Variants in MACROD2 observed in about 807,000 individuals in gnomAD.
MACROD2 encodes ADP-ribose glycohydrolase MACROD2.
A neutral mutation model predicts 70.4 loss-of-function variants in MACROD2; 36 were observed. The ratio of observed to expected loss-of-function variants is 0.51; its 90% confidence interval spans 0.39 to 0.68. The LOEUF is 0.68. Ranked by LOEUF, MACROD2 falls within the 30% of genes least tolerant of loss-of-function variation. MACROD2 has a pLI of 0.00. For synonymous variants in MACROD2, 172 were observed against 178.8 expected (o/e 0.96, Z 0.30); for missense variants, 496 against 538.4 (o/e 0.92, Z 0.78).
chr20:15,304,780 G>A (rs2077680937), intron 6 of MACROD2, among the ~76,000 whole-genome samples: 1 of 152,102 alleles, frequency 6.6e-6, no homozygotes. Flanking sequence ...AGCTTAGATT[G>A]TGAGGTCTGA....
intron 8 of MACROD2, among the ~76,000 whole-genome samples, chr20:15,822,838 A>T (rs2063954127): frequency 6.6e-6 from 1 of 152,200 alleles, no homozygotes; most frequent in Non-Finnish European, 1.5e-5. Context: ...GATACAGCAG[A>T]TAAGGGAGGA....
At chr20:16,025,606 G>C (rs188859891) in intron 15 of MACROD2, among the ~76,000 whole-genome samples, 26 of 152,172 alleles carry the variant, frequency 1.7e-4, no homozygotes, top group African/African-American at 6.0e-4. Flanking sequence ...TCAGGAAGCC[G>C]CCTGGGGATG....
In MACROD2 at chr20:14,764,968, C is replaced by T. The variant is rs570293167; in HGVS notation, c.418+80009C>T. ...ATACTGCTTGGCAGAGTTCCCAAGACGGCACTGTGCAAACAATGGCAGTGA... is the reference window on the plus strand; with the variant it reads ...ATACTGCTTGGCAGAGTTCCCAAGATGGCACTGTGCAAACAATGGCAGTGA... On this transcript the variant is annotated intron_variant, in intron 5 of 17. Transcript: ENST00000684519. 1.1e-4 allele frequency among the ~76,000 whole-genome samples: 17 copies of T among 152,198 alleles called. No homozygotes were observed. In the South Asian group the frequency reaches 2.3e-3, roughly 20 times the overall value.
intron 3 of MACROD2, among the ~76,000 whole-genome samples, chr20:14,437,305 G>T (rs908854066): frequency 6.6e-6 from 1 of 151,928 alleles, no homozygotes; most frequent in Non-Finnish European, 1.5e-5. Flanking sequence ...TTTAAAAAGG[G>T]TTTCTTGGGC....
intron 5 of MACROD2, among the ~76,000 whole-genome samples, chr20:14,963,207 A>G (rs1196910620): frequency 6.6e-6 from 1 of 152,162 alleles, no homozygotes; most frequent in Admixed American, 6.5e-5. Flanking sequence ...GTAGTAGTAC[A>G]GCAGCATCCA....
chr20:15,271,370 A>G (rs1847458136), intron 6 of MACROD2, among the ~76,000 whole-genome samples: 1 of 152,174 alleles, frequency 6.6e-6, no homozygotes, highest in Non-Finnish European at 1.5e-5. Flanking sequence ...CAGAGGCCCT[A>G]CCTCCTAATA....
At chr20:14,870,154 C>A (rs1219911351) in intron 5 of MACROD2, among the ~76,000 whole-genome samples, 2 of 152,022 alleles carry the variant, frequency 1.3e-5, no homozygotes, top group Non-Finnish European at 2.9e-5. Context: ...TCTTTGTGTC[C>A]ATGTATTCTC....
chr20:14,168,267 A>G (rs1285731418), intron 3 of MACROD2, among the ~76,000 whole-genome samples: 5 of 152,220 alleles, frequency 3.3e-5, no homozygotes, highest in African/African-American at 1.2e-4. Context: ...TTAGAGAATA[A>G]ATGAACCACC....
chr20:14,755,758 A>G (rs1406798493), intron 5 of MACROD2, among the ~76,000 whole-genome samples: 4 of 152,052 alleles, frequency 2.6e-5, no homozygotes, highest in Non-Finnish European at 5.9e-5. Context: ...AGGAAAACAT[A>G]GTTCTAAGAA....
At chr20:14,277,804 A>C (rs554314147) in intron 3 of MACROD2, among the ~76,000 whole-genome samples, 1 of 152,254 alleles carries the variant, frequency 6.6e-6, no homozygotes, top group East Asian at 1.9e-4. Context: ...GGAAGAAGGT[A>C]ATGTCAGCCT....
At chr20:14,091,743 G>A (rs1327053022) in intron 3 of MACROD2, among the ~76,000 whole-genome samples, 1 of 152,024 alleles carries the variant, frequency 6.6e-6, no homozygotes, top group African/African-American at 2.4e-5. Flanking sequence ...ATGAATTAAT[G>A]AATTTATTTA....
intron 8 of MACROD2, among the ~76,000 whole-genome samples, chr20:15,780,759 G>C (rs2051817747): frequency 6.6e-6 from 1 of 152,004 alleles, no homozygotes; most frequent in Non-Finnish European, 1.5e-5. Context: ...TCCATAGAGA[G>C]AGAAGTAGAC....
chr20:14,606,491 A>C (rs182650185), intron 4 of MACROD2, among the ~76,000 whole-genome samples: 2 of 152,294 alleles, frequency 1.3e-5, no homozygotes, highest in African/African-American at 4.8e-5. Context: ...AATTGTGATT[A>C]CTATTTTACC....
intron 4 of MACROD2, among the ~76,000 whole-genome samples, chr20:14,512,659 A>C (rs1482672184): frequency 6.6e-6 from 1 of 152,054 alleles, no homozygotes; most frequent in Non-Finnish European, 1.5e-5. Flanking sequence ...CTTGCTTCTC[A>C]TGAGCACACA....
chr20:14,022,954 A>G (rs1003574520), intron 2 of MACROD2, among the ~76,000 whole-genome samples: 1 of 152,198 alleles, frequency 6.6e-6, no homozygotes, highest in African/African-American at 2.4e-5. Context: ...TATACCCAGT[A>G]ATGGGATTGC....
chr20:14,236,768 T>C (rs2081876635), intron 3 of MACROD2, among the ~76,000 whole-genome samples: 1 of 152,210 alleles, frequency 6.6e-6, no homozygotes, highest in African/African-American at 2.4e-5. Context: ...ACTAGTTTAA[T>C]GCTTTAAATT....
chr20:15,429,851 A>G (rs114387402), intron 6 of MACROD2, among the ~76,000 whole-genome samples: 1 of 152,010 alleles, frequency 6.6e-6, no homozygotes, highest in African/African-American at 2.4e-5. Flanking sequence ...AATGGTGAAG[A>G]CTAGGCTTTT....
intron 5 of MACROD2, among the ~76,000 whole-genome samples, chr20:14,793,400 C>T (rs1873714417): frequency 6.6e-6 from 1 of 151,974 alleles, no homozygotes; most frequent in Non-Finnish European, 1.5e-5. Flanking sequence ...AACTCTCCAA[C>T]TTATTCATTA....
intron 15 of MACROD2, among the ~76,000 whole-genome samples, chr20:16,024,524 C>T (rs911069728): frequency 4.9e-5 from 7 of 142,596 alleles, no homozygotes; most frequent in African/African-American, 1.8e-4. Flanking sequence ...GACACACACA[C>T]ACACAGACAC....
Sources: allele counts gnomAD v4.1 joint callset (sites outside exome capture counted in the v4.1 genomes callset), GRCh38; gene constraint gnomAD v4.1.1; transcripts MANE v1.5; gene names NCBI Gene and HGNC (gene_info 2026-07-23, HGNC 2026-07-21).